The following PCSK5 variants were observed in gnomAD, a reference collection of about 807,000 sequenced individuals.
The protein encoded by PCSK5 is proprotein convertase subtilisin/kexin type 5.
Under a neutral mutation model 233.2 loss-of-function variants are expected in PCSK5, and 129 were observed. The observed-to-expected ratio is 0.55, with a 90% confidence interval of 0.48 to 0.64. The LOEUF (loss-of-function observed/expected upper bound fraction) is 0.64, where lower values mean the gene tolerates loss of function less well. PCSK5 is among the 30% of genes least tolerant of loss of function. The pLI is 0.00. For missense variants in PCSK5, 2,076 were observed against 2,430.1 expected (o/e 0.85, Z 3.06); for synonymous variants, 825 against 879.2 (o/e 0.94, Z 1.09).
At position 76,359,036 on chromosome 9, in the gene PCSK5, C is replaced by A; in HGVS notation, c.*114C>A. 1 of 807,516 alleles carries A rather than the reference C, an allele frequency of 1.2e-6. No individual in the cohort carries two copies. The highest frequency in any genetic ancestry group is 2.0e-6 in the Non-Finnish European group (1 of 509,758). The allele number at this position is 807,516 out of a possible 1,614,324, so 50.0% of individuals were successfully genotyped here. On this transcript the variant is annotated 3_prime_UTR_variant, in exon 38 of 38. Transcript: ENST00000674117. ...ATGTGTGAGTTTTTCTATTTGTCTT[C>A]TTTAACCATGAGTCCAACCAGAATA...
intron 5 of PCSK5, among the ~76,000 whole-genome samples, chr9:76,051,200 A>G (rs980447183): frequency 5.3e-5 from 8 of 152,200 alleles, no homozygotes; most frequent in Admixed American, 1.3e-4. Context: ...TTAGTGTCTG[A>G]CATCTCACAT....
At chr9:76,017,150 C>T (rs191427675) in intron 3 of PCSK5, among the ~76,000 whole-genome samples, 2 of 152,280 alleles carry the variant, frequency 1.3e-5, no homozygotes, top group South Asian at 2.1e-4. Context: ...GCCAAAAGGA[C>T]GTTGCATGCT....
intron 10 of PCSK5, among the ~76,000 whole-genome samples, chr9:76,136,455 C>A (rs1487412186): frequency 6.6e-6 from 1 of 151,998 alleles, no homozygotes; most frequent in East Asian, 1.9e-4. Context: ...AAGAGCTCAA[C>A]AAGGGCTTGT....
At chr9:75,969,415 C>G (rs1825726431) in intron 2 of PCSK5, among the ~76,000 whole-genome samples, 1 of 152,180 alleles carries the variant, frequency 6.6e-6, no homozygotes, top group Admixed American at 6.5e-5. Flanking sequence ...TGCTTAACTT[C>G]AATCCCTGGG....
chr9:75,890,881 A>T lies in PCSK5; in HGVS notation c.-301A>T, dbSNP rs1446629241. 6.5e-6 allele frequency: 2 copies of T among 309,612 alleles called. No individual in the cohort carries two copies. The highest frequency in any genetic ancestry group is 5.9e-6 in the Non-Finnish European group (1 of 168,842). The allele number at this position is 309,612 out of a possible 1,614,324, so 19.2% of individuals were successfully genotyped here. On this transcript the variant is annotated 5_prime_UTR_variant, in exon 1 of 38. Coordinates refer to ENST00000674117, the MANE Select transcript of PCSK5 (RefSeq NM_001372043.1). ...CAAGCCGGGCGAAACCCAACTGCGG[A>T]GGACGCCCGCCCCACTCAGCCTCCT...
At chr9:76,008,543 C>A (rs1351776748) in intron 3 of PCSK5, among the ~76,000 whole-genome samples, 1 of 151,912 alleles carries the variant, frequency 6.6e-6, no homozygotes, top group East Asian at 1.9e-4. Flanking sequence ...CTCACCACAA[C>A]CTCTGCCTCC....
Position 76,159,083 on chromosome 9 carries a change from C to T in PCSK5, c.1531C>T (p.Arg511Cys), listed in dbSNP as rs753851023. The T allele has an allele frequency of 1.6e-5, 26 of 1,614,132 alleles. No individual in the cohort carries two copies. The highest frequency in any genetic ancestry group is 6.7e-5 in the East Asian group (3 of 44,866). ...HVNYLEHVVV[R>C]ITITHPRRGD... ...CAACTACCTGGAGCACGTCGTTGTG[C>T]GCATCACCATCACCCACCCCAGGAG... The change falls in exon 12 of 38, where the codon CGC (arginine) becomes TGC (cysteine). Residue 511 changes from arginine to cysteine, a missense_variant. Transcript: ENST00000674117.
At chr9:76,279,543 T>C (rs1325980569) in intron 24 of PCSK5, among the ~76,000 whole-genome samples, 4 of 152,134 alleles carry the variant, frequency 2.6e-5, no homozygotes, top group African/African-American at 9.7e-5. Flanking sequence ...TGTAAAAATG[T>C]TCCTGTTTCT....
At chr9:76,195,838 A>G (rs535030941) in intron 20 of PCSK5, 2 of 152,174 alleles carry the variant, frequency 1.3e-5, no homozygotes, top group Non-Finnish European at 2.9e-5. Context: ...GCCAAAATCA[A>G]TGTTATTCCA....
chr9:76,009,601 T>C (rs1168594410), intron 3 of PCSK5, among the ~76,000 whole-genome samples: 1 of 148,938 alleles, frequency 6.7e-6, no homozygotes, highest in Non-Finnish European at 1.5e-5. Context: ...CACTCCAGCC[T>C]GGCGACAGAG....
At chr9:76,175,993 AGTTTT>A (rs1398727153) in intron 14 of PCSK5, among the ~76,000 whole-genome samples, 1 of 149,262 alleles carries the variant, frequency 6.7e-6, no homozygotes, top group Admixed American at 6.7e-5. Context: ...ATCACTGTTA[AGTTTT>A]GTTTTGGTTT....
chr9:75,916,132 T>G (rs1822976298), intron 1 of PCSK5, among the ~76,000 whole-genome samples: 1 of 152,230 alleles, frequency 6.6e-6, no homozygotes, highest in South Asian at 2.1e-4. Flanking sequence ...ATAAAGATAT[T>G]AATCTTAAAG....
chr9:76,310,184 G>A (rs777300398), intron 29 of PCSK5, among the ~76,000 whole-genome samples: 14 of 151,660 alleles, frequency 9.2e-5, no homozygotes, highest in Non-Finnish European at 1.6e-4. Context: ...GGAGGCGGAG[G>A]TCGCAGTGAG....
At chr9:76,232,167 G>A (rs1200235833) in intron 21 of PCSK5, among the ~76,000 whole-genome samples, 1 of 152,168 alleles carries the variant, frequency 6.6e-6, no homozygotes, top group Non-Finnish European at 1.5e-5. Flanking sequence ...ACAAGCCAGT[G>A]CCAATACAGG....
chr9:75,961,171 T>G (rs1825336829), intron 2 of PCSK5, among the ~76,000 whole-genome samples: 1 of 152,216 alleles, frequency 6.6e-6, no homozygotes, highest in East Asian at 1.9e-4. Context: ...TCCAGGTCAC[T>G]GCATCGGGTG....
At chr9:76,203,077 C>G (rs979336060) in intron 20 of PCSK5, among the ~76,000 whole-genome samples, 6 of 152,186 alleles carry the variant, frequency 3.9e-5, no homozygotes, top group Admixed American at 6.5e-5. Context: ...CAGCATAGCT[C>G]TCTATGTGTC....
chr9:76,297,977 G>A (rs962039457), intron 27 of PCSK5, among the ~76,000 whole-genome samples: 7 of 152,300 alleles, frequency 4.6e-5, no homozygotes, highest in Non-Finnish European at 1.0e-4. Context: ...AGACAGAGCC[G>A]AGAAGATTAT....
chr9:75,992,673 A>C (rs985060666), intron 3 of PCSK5, among the ~76,000 whole-genome samples: 3 of 152,142 alleles, frequency 2.0e-5, no homozygotes, highest in African/African-American at 7.2e-5. Context: ...AGACTCTAGT[A>C]ATTCATATGA....
At chr9:76,027,945 T>G (rs756383464) in intron 5 of PCSK5, among the ~76,000 whole-genome samples, 7 of 152,222 alleles carry the variant, frequency 4.6e-5, no homozygotes, top group Non-Finnish European at 8.8e-5. Flanking sequence ...TGCTTTTTTC[T>G]TTAGGGAAAA....
Sources: gnomAD v4.1 joint callset for allele counts (sites outside exome capture counted in the v4.1 genomes callset) on GRCh38, gnomAD v4.1.1 for gene constraint, MANE v1.5 for transcripts, NCBI Gene and HGNC (gene_info 2026-07-23, HGNC 2026-07-21) for gene names.